The following HDGFL2 variants were observed in gnomAD, a reference collection of about 807,000 sequenced individuals.
HDGFL2 encodes hepatoma-derived growth factor-related protein 2.
Under a neutral mutation model 77.1 loss-of-function variants are expected in HDGFL2, and 36 were observed. The ratio of observed to expected loss-of-function variants is 0.47; its 90% CI spans 0.36 to 0.62. The LOEUF (loss-of-function observed/expected upper bound fraction) is 0.62, where lower values mean the gene tolerates loss of function less well. Ranked by LOEUF, HDGFL2 falls within the 20% of genes least tolerant of loss-of-function variation. HDGFL2 has a pLI of 0.00. For synonymous variants in HDGFL2, 463 were observed against 413.1 expected (o/e 1.12, Z -1.46); for missense variants, 976 against 973.4 (o/e 1.00, Z -0.04).
At chr19:4,498,479 G>C in intron 12 of HDGFL2, 103 bp downstream of exon 12, 1 of 921,242 alleles carries the variant, frequency 1.1e-6, no homozygotes, top group Non-Finnish European at 1.7e-6. Flanking sequence ...GGGTCCTGCA[G>C]TTGGGTGGGC....
chr19:4,496,630 A>G (rs1975710002), intron 10 of HDGFL2, among the ~76,000 whole-genome samples: 2 of 152,168 alleles, frequency 1.3e-5, no homozygotes, highest in South Asian at 4.1e-4. Context: ...CCGCCTCCAG[A>G]GACACGGCCA....
chr19:4,486,664 C>T (rs1975370346), intron 3 of HDGFL2, among the ~76,000 whole-genome samples: 1 of 152,042 alleles, frequency 6.6e-6, no homozygotes, highest in Admixed American at 6.6e-5. Flanking sequence ...ATGGTGAAAC[C>T]CTGTCTCTAC....
chr19:4,498,522 G>A, intron 12 of HDGFL2, 146 bp downstream of exon 12: 1 of 681,010 alleles, frequency 1.5e-6, no homozygotes, highest in Non-Finnish European at 2.5e-6. Flanking sequence ...GTGAGCGCAT[G>A]GGGTCTCCTG....
chr19:4,498,114 C>A, intron 11 of HDGFL2, 83 bp downstream of exon 11: 2 of 1,336,388 alleles, frequency 1.5e-6, no homozygotes, highest in Non-Finnish European at 2.1e-6. Context: ...GCCTGTCCCG[C>A]CTGTCCCTAG....
At chr19:4,500,684 A>G (rs2145222602) in intron 14 of HDGFL2, among the ~76,000 whole-genome samples, 1 of 152,184 alleles carries the variant, frequency 6.6e-6, no homozygotes, top group South Asian at 2.1e-4. Flanking sequence ...GATGGTGTCA[A>G]TCTCTGGACC....
At position 4,494,424 on chromosome 19, in the gene HDGFL2, G is replaced by A. The variant is rs1975645917; in HGVS notation, c.1173G>A (p.Arg391=). 7.1e-7 allele frequency: 1 copy of A among 1,408,054 alleles called. No homozygotes were observed. The highest frequency in any genetic ancestry group is 1.5e-5 in the African/African-American group (1 of 65,924). 87.2% of individuals were successfully genotyped at this position (1,408,054 alleles called of 1,614,324 possible). Residue 391 remains arginine (R), a synonymous_variant, in exon 9 of 16, where the codon CGG becomes CGA. Coordinates refer to ENST00000616600, the MANE Select transcript of HDGFL2 (RefSeq NM_001001520.3). Reference sequence around the variant, plus strand: ...AGCGGGGACGCAAGGGCCGGGGCCGGGGTCCCCCGTCCTCCTCTGACTCCG... The same window carrying A: ...AGCGGGGACGCAAGGGCCGGGGCCGAGGTCCCCCGTCCTCCTCTGACTCCG... ...VKKRGRKGRG[R]GPPSSSDSEP...
rs1428078407 is a variant in HDGFL2 at position 4,501,242 on chromosome 19, C to T, written c.1841C>T (p.Ala614Val). ...GCCACATCACAGAAGGGGGAGAGCG[C>T]AGAGGACAAGGAGCACGAGGAGGGT... Reference protein sequence around the residue: ...GEATSQKGESAEDKEHEEGRD... With the variant: ...GEATSQKGESVEDKEHEEGRD... The change falls in exon 15 of 16, where the codon GCA (alanine) becomes GTA (valine). Residue 614 changes from alanine to valine, a missense_variant. Around this residue, in one of 5 missense-constraint regions of HDGFL2, gnomAD observed 229 missense variants for 187.3 expected, o/e 1.22. Transcript: ENST00000616600. 6.2e-7 allele frequency: 1 copy of T among 1,613,792 alleles called. No individual in the cohort carries two copies.
chr19:4,489,259 C>T (rs1002309208), intron 4 of HDGFL2, among the ~76,000 whole-genome samples: 2 of 143,522 alleles, frequency 1.4e-5, no homozygotes, highest in Non-Finnish European at 1.5e-5. Context: ...GGCCACCTTT[C>T]TTTTTTTTTT....
Position 4,493,749 on chromosome 19 carries a change from G to C in HDGFL2, c.725G>C (p.Gly242Ala). 1 of 1,536,932 alleles carries C rather than the reference G, an allele frequency of 6.5e-7. No homozygotes were observed. The highest frequency in any genetic ancestry group is 8.8e-7 in the Non-Finnish European group (1 of 1,137,832). ...SDSDSKADSD[G>A]AKPEPVAMAR... The stretch of plus-strand genomic sequence containing the variant: ...TCCGACTCCAAGGCCGATTCGGACG[G>C]GGCCAAGCCTGAGCCGGTGGCCATG... Residue 242 changes from glycine to alanine, a missense_variant, in exon 7 of 16, where the codon GGG (glycine) becomes GCG (alanine). This residue lies in a region of HDGFL2 where 567 missense variants were observed against 534.7 expected (regional missense o/e 1.06). Coordinates refer to ENST00000616600, the MANE Select transcript of HDGFL2 (RefSeq NM_001001520.3).
intron 3 of HDGFL2, among the ~76,000 whole-genome samples, chr19:4,483,107 C>A (rs901243053): frequency 6.6e-6 from 1 of 152,246 alleles, no homozygotes; most frequent in South Asian, 2.1e-4. Context: ...TTACTCTCAG[C>A]GTTCTCCGTT....
intron 9 of HDGFL2, among the ~76,000 whole-genome samples, chr19:4,495,500 G>T (rs1320013751): frequency 6.6e-6 from 1 of 152,050 alleles, no homozygotes; most frequent in Non-Finnish European, 1.5e-5. Flanking sequence ...AGGCCCAGAG[G>T]ACTGCGCCTG....
chr19:4,490,803 TTC>T (rs1975485730), intron 4 of HDGFL2, among the ~76,000 whole-genome samples: 1 of 105,948 alleles, frequency 9.4e-6, no homozygotes, highest in African/African-American at 4.1e-5. Flanking sequence ...TTTCTTTTTT[TTC>T]TCTTTTTTTT....
At chr19:4,487,193 C>G (rs1212952004) in intron 3 of HDGFL2, among the ~76,000 whole-genome samples, 3 of 152,136 alleles carry the variant, frequency 2.0e-5, no homozygotes, top group Admixed American at 2.0e-4. Flanking sequence ...GTCTTAAACT[C>G]CTGACCTCGT....
At chr19:4,494,115 C>T (rs765562291) in intron 8 of HDGFL2, 51 bp from the exon 9 acceptor site, 15 of 1,509,512 alleles carry the variant, frequency 9.9e-6, no homozygotes, top group African/African-American at 5.6e-5. Flanking sequence ...AGGGGCAGGG[C>T]GGGCTCCTGA....
chr19:4,482,430 G>A lies in HDGFL2; in HGVS notation c.289-6246G>A, dbSNP rs146680081. ...TCACCATATTGGCCAGGCTGATCTC[G>A]AACTCCTGACCTTATGATCCACCCC... is the stretch of plus-strand genomic sequence containing the variant. On this transcript the variant is annotated intron_variant, in intron 3 of 15. Transcript: ENST00000616600. 1.4e-3 allele frequency among the ~76,000 whole-genome samples: 218 copies of A among 152,044 alleles called. 3 individuals carry two copies. The East Asian group carries it at 0.02, about 14-fold the overall frequency.
In HDGFL2 at chr19:4,473,710, C is replaced by T. The variant is rs200011239; in HGVS notation, c.72+1288C>T. On this transcript the variant is annotated intron_variant, in intron 1 of 15. Transcript: ENST00000616600. ...GGGCTGGGGGTGGGGGAATGGGGCT[C>T]GGGGCTCTGTTCACGGGGTCACTGG... 2.7e-4 allele frequency among the ~76,000 whole-genome samples: 32 copies of T among 117,006 alleles called. No homozygotes were observed. In the East Asian group the frequency reaches 8.2e-3, roughly 30 times the overall value. The allele number at this position is 117,006 out of a possible 152,430, so 76.8% of individuals were successfully genotyped here.
intron 3 of HDGFL2, 84 bp from the exon 4 acceptor site, chr19:4,488,591 GT>G: frequency 1.6e-6 from 2 of 1,243,604 alleles, no homozygotes; most frequent in Non-Finnish European, 2.2e-6. Context: ...CCCGCATGTG[GT>G]TGCCGTCCTC....
At chr19:4,472,970 C>A (rs1032815317) in intron 1 of HDGFL2, among the ~76,000 whole-genome samples, 1 of 150,186 alleles carries the variant, frequency 6.7e-6, no homozygotes, top group African/African-American at 2.5e-5. Flanking sequence ...GAGACTCTCG[C>A]CCTTGGTGTA....
intron 6 of HDGFL2, among the ~76,000 whole-genome samples, chr19:4,492,706 CTGTGTGTGGTGTGTGG>C (rs1568212735): frequency 7.6e-6 from 1 of 131,170 alleles, no homozygotes; most frequent in Non-Finnish European, 1.6e-5. Flanking sequence ...TATGTGTTGT[CTGTGTGTGGTGTGTGG>C]TGTGTGTGGT....
Sources: gnomAD v4.1 joint callset for allele counts (sites outside exome capture counted in the v4.1 genomes callset) on GRCh38, gnomAD v4.1.1 for gene constraint, gnomAD v4.1.1 regional missense constraint, MANE v1.5 for transcripts, NCBI Gene and HGNC (gene_info 2026-07-23, HGNC 2026-07-21) for gene names.